Variants in OCA2 observed in about 807,000 individuals in gnomAD.
The protein encoded by OCA2 is OCA2 melanosomal transmembrane protein.
In OCA2, 77 loss-of-function variants were observed where a neutral mutation model predicts 100.2. The ratio of observed to expected loss-of-function variants is 0.77; its 90% CI spans 0.64 to 0.93. The LOEUF is 0.93. OCA2 is among the 40% of genes least tolerant of loss of function. OCA2 has a pLI of 0.00. For missense variants in OCA2, 1,062 were observed against 1,089.1 expected (o/e 0.98, Z 0.35); for synonymous variants, 432 against 439.2 (o/e 0.98, Z 0.21).
At chr15:28,004,278 G>A (rs548747357) in intron 9 of OCA2, among the ~76,000 whole-genome samples, 2 of 148,878 alleles carry the variant, frequency 1.3e-5, no homozygotes, top group Non-Finnish European at 2.9e-5. Context: ...CCTGCTAGGC[G>A]CCCTGTGGCA....
chr15:27,963,887 A>G (rs901184412), intron 15 of OCA2, among the ~76,000 whole-genome samples: 1 of 152,182 alleles, frequency 6.6e-6, no homozygotes, highest in Non-Finnish European at 1.5e-5. Flanking sequence ...AAACTATCAA[A>G]CTACCAACAT....
rs112365778 is a variant in OCA2 at position 28,052,097 on chromosome 15, C to A, written c.228-19934G>T. On this transcript the variant is annotated intron_variant, in intron 2 of 23. Transcript: ENST00000354638. ...TGGCTGGGGTGCTGAATGGCCCTGA[C>A]CACCTCACTGGAATCCAGTGGCTCT... Among the ~76,000 whole-genome samples, 1,422 of 152,240 alleles carry A rather than the reference C, an allele frequency of 9.3e-3. 22 individuals are homozygous for A. The highest frequency in any genetic ancestry group is 0.033 in the African/African-American group (1,363 of 41,566).
chr15:28,001,452 G>T (rs924544584), intron 9 of OCA2, among the ~76,000 whole-genome samples: 2 of 152,202 alleles, frequency 1.3e-5, no homozygotes, highest in Non-Finnish European at 2.9e-5. Flanking sequence ...GGTGGAAGGA[G>T]AGGAGGGTGT....
intron 19 of OCA2, among the ~76,000 whole-genome samples, chr15:27,888,698 C>T (rs1470859980): frequency 6.6e-6 from 1 of 152,064 alleles, no homozygotes; most frequent in African/African-American, 2.4e-5. Context: ...TTTACAGCAT[C>T]TTCAATCTGA....
chr15:27,933,427 G>A (rs1406509307), intron 18 of OCA2, among the ~76,000 whole-genome samples: 1 of 152,208 alleles, frequency 6.6e-6, no homozygotes, highest in East Asian at 1.9e-4. Context: ...TCTTCTTGGG[G>A]TTAATGAAAT....
chr15:28,057,760 T>C (rs1312882544), intron 2 of OCA2, among the ~76,000 whole-genome samples: 2 of 152,168 alleles, frequency 1.3e-5, no homozygotes, highest in Non-Finnish European at 2.9e-5. Context: ...GTAAGACAGG[T>C]AAGCAGCCGC....
At chr15:27,916,135 C>A (rs2038654606) in intron 19 of OCA2, among the ~76,000 whole-genome samples, 1 of 152,092 alleles carries the variant, frequency 6.6e-6, no homozygotes, top group Admixed American at 6.6e-5. Flanking sequence ...TAAGTAGGAG[C>A]TAAACATTGA....
chr15:27,770,117 A>G (rs1292252917), intron 23 of OCA2, among the ~76,000 whole-genome samples: 4 of 152,200 alleles, frequency 2.6e-5, no homozygotes, highest in Non-Finnish European at 5.9e-5. Context: ...GCATGGAAAT[A>G]CAATATCCCA....
intron 13 of OCA2, among the ~76,000 whole-genome samples, chr15:27,984,718 G>A (rs766937507): frequency 2.0e-5 from 3 of 152,104 alleles, no homozygotes; most frequent in Non-Finnish European, 2.9e-5. Context: ...GTGCCACCAC[G>A]CCTGGCTAAT....
chr15:28,054,058 G>A (rs1283138856), intron 2 of OCA2, among the ~76,000 whole-genome samples: 1 of 152,108 alleles, frequency 6.6e-6, no homozygotes, highest in Non-Finnish European at 1.5e-5. Context: ...ATGTATATAT[G>A]TGGGCATGTG....
At chr15:27,792,890 C>T (rs922918289) in intron 23 of OCA2, among the ~76,000 whole-genome samples, 4 of 152,206 alleles carry the variant, frequency 2.6e-5, no homozygotes, top group South Asian at 2.1e-4. Flanking sequence ...GGAAAAGCAG[C>T]GCCCTGTGTG....
chr15:27,857,926 T>A (rs1595526898), intron 21 of OCA2, among the ~76,000 whole-genome samples: 1 of 152,058 alleles, frequency 6.6e-6, no homozygotes, highest in East Asian at 1.9e-4. Flanking sequence ...TAATTTAAAT[T>A]TCCAAGGTAA....
At chr15:27,994,119 CA>C (rs2041644873) in intron 9 of OCA2, among the ~76,000 whole-genome samples, 1 of 152,116 alleles carries the variant, frequency 6.6e-6, no homozygotes, top group Non-Finnish European at 1.5e-5. Flanking sequence ...GGACTAGTAC[CA>C]GGGCCGCACA....
At chr15:27,854,064 T>G (rs1429153185) in intron 21 of OCA2, among the ~76,000 whole-genome samples, 1 of 152,208 alleles carries the variant, frequency 6.6e-6, no homozygotes, top group Admixed American at 6.5e-5. Flanking sequence ...TGCCCTCTGC[T>G]GCATCCCACT....
chr15:27,984,996 C>A, intron 13 of OCA2, 68 bp downstream of exon 13: 1 of 1,591,150 alleles, frequency 6.3e-7, no homozygotes, highest in Non-Finnish European at 8.6e-7. Context: ...TGGAGCCAGG[C>A]AGTGCAGGCA....
intron 22 of OCA2, among the ~76,000 whole-genome samples, chr15:27,846,881 T>C (rs72710549): frequency 0.05 from 7,614 of 152,212 alleles, 246 homozygotes; most frequent in African/African-American, 0.084. Flanking sequence ...CACAGCTCTT[T>C]CCTTGGAAAG....
intron 17 of OCA2, among the ~76,000 whole-genome samples, chr15:27,954,898 G>C (rs1011492543): frequency 1.3e-5 from 2 of 152,234 alleles, no homozygotes; most frequent in Admixed American, 1.3e-4. Flanking sequence ...CACCCGCTCA[G>C]AGGGCGGGCC....
At chr15:27,794,084 A>G (rs993645918) in intron 23 of OCA2, among the ~76,000 whole-genome samples, 8 of 152,210 alleles carry the variant, frequency 5.3e-5, no homozygotes, top group African/African-American at 1.9e-4. Context: ...AAGATCCTGC[A>G]AACAGGAGGA....
chr15:28,079,530 C>A (rs920125519), intron 2 of OCA2, among the ~76,000 whole-genome samples: 1 of 152,124 alleles, frequency 6.6e-6, no homozygotes, highest in Admixed American at 6.5e-5. Context: ...ACCAGTGAGC[C>A]CTTCCCCCGA....
Sources: gnomAD v4.1 joint callset for allele counts (sites outside exome capture counted in the v4.1 genomes callset) on GRCh38, gnomAD v4.1.1 for gene constraint, MANE v1.5 for transcripts, NCBI Gene and HGNC (gene_info 2026-07-23, HGNC 2026-07-21) for gene names.